Variants in DENND1A observed in about 807,000 individuals in gnomAD.
The protein encoded by DENND1A is DENN domain-containing protein 1A.
DENND1A carries 51 observed loss-of-function variants against 113.7 expected under a neutral mutation model. The observed-to-expected ratio is 0.45, with a 90% CI of 0.36 to 0.57. DENND1A has a LOEUF of 0.57. Ranked by LOEUF, DENND1A falls within the 20% of genes least tolerant of loss-of-function variation. DENND1A has a pLI of 0.00. For missense variants in DENND1A, 1,258 were observed against 1,395.9 expected (o/e 0.90, Z 1.57); for synonymous variants, 565 against 570.8 (o/e 0.99, Z 0.14).
At chr9:123,819,888 A>G (rs2132592326) in intron 2 of DENND1A, among the ~76,000 whole-genome samples, 1 of 152,370 alleles carries the variant, frequency 6.6e-6, no homozygotes, top group East Asian at 1.9e-4. Context: ...AATTTTATAA[A>G]TAATCTTCAA....
chr9:123,905,415 T>C (rs926335770), intron 1 of DENND1A, among the ~76,000 whole-genome samples: 22 of 147,114 alleles, frequency 1.5e-4, no homozygotes, highest in African/African-American at 3.9e-4. Context: ...GACTGGCAAA[T>C]TGGATAAAGA....
At chr9:123,808,197 G>A (rs907339798) in intron 2 of DENND1A, among the ~76,000 whole-genome samples, 7 of 151,946 alleles carry the variant, frequency 4.6e-5, no homozygotes, top group Non-Finnish European at 7.4e-5. Context: ...TTGTACCCCA[G>A]CCTAGGTGAC....
chr9:123,556,402 A>G (rs2057415484), intron 13 of DENND1A, among the ~76,000 whole-genome samples: 2 of 152,172 alleles, frequency 1.3e-5, no homozygotes, highest in South Asian at 4.2e-4. Context: ...GTTTTACTTG[A>G]ATACACGACG....
intron 12 of DENND1A, among the ~76,000 whole-genome samples, chr9:123,560,058 T>C (rs955452910): frequency 6.6e-6 from 1 of 152,250 alleles, no homozygotes. Context: ...TTCCACTGTA[T>C]GGATAGACCA....
chr9:123,560,974 A>G (rs2057718810), intron 12 of DENND1A, among the ~76,000 whole-genome samples: 1 of 152,178 alleles, frequency 6.6e-6, no homozygotes, highest in African/African-American at 2.4e-5. Flanking sequence ...AGAAGTATGA[A>G]AAAGCAGCAT....
At chr9:123,701,832 G>C (rs2065901313) in intron 5 of DENND1A, among the ~76,000 whole-genome samples, 1 of 152,140 alleles carries the variant, frequency 6.6e-6, no homozygotes, top group South Asian at 2.1e-4. Context: ...TTTTGAAGGA[G>C]GTTCCAAAAC....
chr9:123,584,336 A>C (rs940209351), intron 11 of DENND1A, among the ~76,000 whole-genome samples: 7 of 152,178 alleles, frequency 4.6e-5, no homozygotes, highest in African/African-American at 7.2e-5. Flanking sequence ...TTACTGGTCA[A>C]CCTCTGAGCA....
Position 123,766,239 on chromosome 9 carries a change from C to CA in DENND1A, c.182+3274dup, listed in dbSNP as rs534276472. Among the ~76,000 whole-genome samples, 7 of 152,334 alleles carry CA rather than the reference C, an allele frequency of 4.6e-5. 1 individual carries two copies. The South Asian group carries it at 1.0e-3, about 23-fold the overall frequency. ...TGGCAGACTCAATACAAGTCTCCCC[C>CA]ACCATAAGAAGTTTTCTCTGACCAT... On this transcript the variant is annotated intron_variant, in intron 4 of 23. Coordinates refer to ENST00000394215, the MANE Select transcript of DENND1A (RefSeq NM_001352964.2).
At chr9:123,606,774 C>T (rs1390527084) in intron 11 of DENND1A, among the ~76,000 whole-genome samples, 1 of 152,182 alleles carries the variant, frequency 6.6e-6, no homozygotes, top group Non-Finnish European at 1.5e-5. Flanking sequence ...CTGAGGACAC[C>T]ACAGTGAATG....
chr9:123,449,492 G>A (rs1187778847), intron 18 of DENND1A, among the ~76,000 whole-genome samples: 6 of 147,058 alleles, frequency 4.1e-5, no homozygotes, highest in Non-Finnish European at 8.9e-5. Context: ...CCGAGATCGC[G>A]CCATTGCACT....
At chr9:123,473,871 G>T (rs1448846278) in intron 13 of DENND1A, among the ~76,000 whole-genome samples, 1 of 152,114 alleles carries the variant, frequency 6.6e-6, no homozygotes, top group Non-Finnish European at 1.5e-5. Context: ...GTATGGGGAG[G>T]ACGCAGGCTT....
At chr9:123,922,486 C>A (rs188340754) in intron 1 of DENND1A, among the ~76,000 whole-genome samples, 48 of 152,322 alleles carry the variant, frequency 3.2e-4, no homozygotes, top group Non-Finnish European at 1.5e-4. Context: ...CTAACATATT[C>A]TCACGTTCCA....
At chr9:123,649,548 C>A (rs1212307020) in intron 9 of DENND1A, among the ~76,000 whole-genome samples, 1 of 152,040 alleles carries the variant, frequency 6.6e-6, no homozygotes. Context: ...ACTTGTAAAA[C>A]CCCCTGGGAT....
At chr9:123,815,750 T>C (rs1010271775) in intron 2 of DENND1A, among the ~76,000 whole-genome samples, 4 of 152,156 alleles carry the variant, frequency 2.6e-5, no homozygotes, top group Non-Finnish European at 4.4e-5. Context: ...ATGATCTATG[T>C]AATTTTCCAA....
At chr9:123,879,142 G>A (rs1253413771) in intron 1 of DENND1A, 121 bp from the exon 2 acceptor site, 18 of 916,804 alleles carry the variant, frequency 2.0e-5, no homozygotes, top group Non-Finnish European at 2.9e-5. Flanking sequence ...AATGGCCGTG[G>A]AACTTTGGAC....
chr9:123,902,877 T>C (rs1332108330), intron 1 of DENND1A, among the ~76,000 whole-genome samples: 1 of 150,650 alleles, frequency 6.6e-6, no homozygotes, highest in Non-Finnish European at 1.5e-5. Flanking sequence ...AAAAAAATTG[T>C]AGCCAAAATC....
At chr9:123,481,806 T>C in intron 13 of DENND1A, among the ~76,000 whole-genome samples, 1 of 151,364 alleles carries the variant, frequency 6.6e-6, no homozygotes, top group Non-Finnish European at 1.5e-5. Flanking sequence ...TCTTTTTTTT[T>C]TTTTTTTGAG....
chr9:123,512,287 C>T (rs2053523689), intron 13 of DENND1A, among the ~76,000 whole-genome samples: 1 of 152,178 alleles, frequency 6.6e-6, no homozygotes, highest in South Asian at 2.1e-4. Flanking sequence ...TTCATTTTTC[C>T]TCCGTGAATG....
intron 10 of DENND1A, among the ~76,000 whole-genome samples, chr9:123,611,956 C>T (rs1000050787): frequency 1.3e-5 from 2 of 152,118 alleles, no homozygotes; most frequent in Non-Finnish European, 2.9e-5. Flanking sequence ...TTTTAAAGCC[C>T]AATAATTATC....
Sources: allele counts gnomAD v4.1 joint callset (sites outside exome capture counted in the v4.1 genomes callset), GRCh38; gene constraint gnomAD v4.1.1; transcripts MANE v1.5; gene names NCBI Gene and HGNC (gene_info 2026-07-23, HGNC 2026-07-21).